MON2: variants seen among roughly 807,000 people sequenced by gnomAD.
MON2 encodes the protein protein MON2 homolog.
In MON2, 84 loss-of-function variants were observed where a neutral mutation model predicts 208.6. The ratio of observed to expected loss-of-function variants is 0.40; its 90% CI spans 0.34 to 0.48. MON2 has a LOEUF of 0.48. Among genes scored for constraint, MON2 ranks in the 20% least tolerant of loss-of-function variants. The pLI is 0.59. For synonymous variants in MON2, 660 were observed against 694.0 expected, an observed-to-expected ratio of 0.95 and a Z score of 0.77; for missense variants, 1,611 against 2,015.4, an observed-to-expected ratio of 0.80 and a Z score of 3.84.
chr12:62,587,579 A>T (rs957795931), intron 33 of MON2, among the ~76,000 whole-genome samples: 5 of 140,048 alleles, frequency 3.6e-5, no homozygotes, highest in Admixed American at 2.2e-4. Context: ...TTTCTACTTT[A>T]AAAAAAAAAA....
intron 25 of MON2, among the ~76,000 whole-genome samples, chr12:62,557,093 A>G (rs1440351667): frequency 1.3e-5 from 2 of 152,296 alleles, no homozygotes; most frequent in South Asian, 2.1e-4. Flanking sequence ...GTCTCGAAAA[A>G]AAAAAAAGGA....
chr12:62,534,543 A>ATATATATATATATATATATATATTT (rs2072850493), intron 12 of MON2, among the ~76,000 whole-genome samples: 12 of 21,854 alleles, frequency 5.5e-4, no homozygotes, highest in South Asian at 1.1e-3. Context: ...AAAAAAAAAA[A>ATATATATATATATATATATATATTT]TATATATATA....
chr12:62,540,613 C>A (rs561589813), intron 19 of MON2, among the ~76,000 whole-genome samples: 1 of 152,026 alleles, frequency 6.6e-6, no homozygotes, highest in East Asian at 1.9e-4. Flanking sequence ...GCAACAGATA[C>A]GATTTTTAAG....
At chr12:62,585,242 A>G in intron 32 of MON2, 52 bp from the exon 33 acceptor site, 1 of 1,397,622 alleles carries the variant, frequency 7.2e-7, no homozygotes, top group Non-Finnish European at 1.0e-6. Context: ...TGTTATCATT[A>G]AAGCTCATTG....
At chr12:62,563,060 G>A (rs1231487666) in intron 26 of MON2, among the ~76,000 whole-genome samples, 1 of 152,112 alleles carries the variant, frequency 6.6e-6, no homozygotes, top group Non-Finnish European at 1.5e-5. Context: ...TAGTCAGATG[G>A]CTGGATACCA....
chr12:62,493,371 T>A (rs2070288766), intron 2 of MON2, among the ~76,000 whole-genome samples: 1 of 152,190 alleles, frequency 6.6e-6, no homozygotes, highest in South Asian at 2.1e-4. Flanking sequence ...AAAGTGCTGT[T>A]TCAGTAATAA....
At chr12:62,497,607 G>C (rs1440354834) in intron 4 of MON2, among the ~76,000 whole-genome samples, 1 of 152,026 alleles carries the variant, frequency 6.6e-6, no homozygotes, top group African/African-American at 2.4e-5. Flanking sequence ...GAAACTGGCG[G>C]TTTCTTTCTT....
At chr12:62,529,056 G>T (rs1486550366) in intron 11 of MON2, among the ~76,000 whole-genome samples, 1 of 152,046 alleles carries the variant, frequency 6.6e-6, no homozygotes, top group Non-Finnish European at 1.5e-5. Context: ...CCTTCTTTGT[G>T]TTCATAAGTT....
chr12:62,585,349 A>G lies in MON2; in HGVS notation c.4755A>G (p.Thr1585=), dbSNP rs763822187. ...AATTTTCTAAAATGTGTTTTGAAACATTACTCCAGTTTTCCTTCAGTAATA... is the reference window on the plus strand; with the variant it reads ...AATTTTCTAAAATGTGTTTTGAAACGTTACTCCAGTTTTCCTTCAGTAATA... The part of the protein sequence containing the change: ...REEFSKMCFE[T]LLQFSFSNKV... The change falls in exon 33 of 35, where the codon ACA becomes ACG. Residue 1585 remains threonine, a synonymous_variant. Transcript: ENST00000393630. The G allele has an allele frequency of 5.6e-6, 9 of 1,613,746 alleles. No individual in the cohort carries two copies. In the Admixed American group the frequency reaches 8.3e-5, roughly 15 times the overall value.
In MON2 at chr12:62,524,545, C is replaced by G; in HGVS notation, c.1015C>G (p.Leu339Val). 2 of 1,611,960 alleles carry G rather than the reference C, an allele frequency of 1.2e-6. No individual in the cohort carries two copies. The highest frequency in any genetic ancestry group is 1.7e-6 in the Non-Finnish European group (2 of 1,178,226). The change falls in exon 9 of 35, where the codon CTG becomes GTG. Residue 339 changes from leucine to valine, a missense_variant. Transcript: ENST00000393630. ...VTECEIFLSL[L>V]VKFLDADKPQ... ...TGAATGTGAGATATTTCTGTCACTTCTGGTGAAATTTCTGGATGCAGATAA... is the reference window on the plus strand; with the variant it reads ...TGAATGTGAGATATTTCTGTCACTTGTGGTGAAATTTCTGGATGCAGATAA...
chr12:62,556,721 A>G (rs2073982981), intron 25 of MON2, among the ~76,000 whole-genome samples: 2 of 152,188 alleles, frequency 1.3e-5, no homozygotes, highest in Non-Finnish European at 2.9e-5. Flanking sequence ...GAGTTTGATT[A>G]TCAAAGAGAT....
At chr12:62,529,920 A>G (rs992498659) in intron 11 of MON2, among the ~76,000 whole-genome samples, 1 of 152,188 alleles carries the variant, frequency 6.6e-6, no homozygotes, top group Non-Finnish European at 1.5e-5. Flanking sequence ...ATACATTTAT[A>G]TAATGTGTAG....
chr12:62,536,834 G>T (rs1382729004), intron 14 of MON2, among the ~76,000 whole-genome samples: 1 of 151,740 alleles, frequency 6.6e-6, no homozygotes, highest in African/African-American at 2.4e-5. Context: ...GACTACAGAA[G>T]TGCATCGACA....
chr12:62,546,849 T>C, intron 21 of MON2, 48 bp from the exon 22 acceptor site: 1 of 1,420,270 alleles, frequency 7.0e-7, no homozygotes, highest in Non-Finnish European at 9.6e-7. Context: ...AAAGCCTTCT[T>C]GTCTTTTTGG....
chr12:62,559,389 G>C (rs1479333164), intron 25 of MON2, among the ~76,000 whole-genome samples: 3 of 152,260 alleles, frequency 2.0e-5, no homozygotes, highest in Non-Finnish European at 4.4e-5. Context: ...GGACATGGTG[G>C]CTCATGGCTG....
chr12:62,557,342 A>T (rs978786097), intron 25 of MON2, among the ~76,000 whole-genome samples: 1 of 152,196 alleles, frequency 6.6e-6, no homozygotes, highest in East Asian at 1.9e-4. Context: ...GCAATTTTGG[A>T]GACATTTTTA....
rs537438532 is a variant in MON2, at chr12:62,564,916, A to ATGGC, written c.4033-318_4033-315dup. On this transcript the variant is annotated intron_variant, in intron 26 of 34. Transcript: ENST00000393630. ...TCAGTCACACATTCTTAATGGCCTAATGGCTGTATTACTGAACAAATGATC... is the reference window on the plus strand; with the variant it reads ...TCAGTCACACATTCTTAATGGCCTAATGGCTGGCTGTATTACTGAACAAATGATC... The ATGGC allele has an allele frequency of 1.5e-3, 310 of 200,074 alleles. 4 individuals are homozygous for ATGGC. Among genetic ancestry groups the ATGGC allele is most frequent in the South Asian group, 0.015 (144 of 9,848 alleles). 12.4% of individuals were successfully genotyped at this position (200,074 alleles called of 1,614,324 possible).
chr12:62,489,393 T>G (rs1025807236), intron 2 of MON2, among the ~76,000 whole-genome samples: 4 of 152,118 alleles, frequency 2.6e-5, no homozygotes, highest in African/African-American at 9.6e-5. Context: ...TTCTTCGAAC[T>G]TTTGTGTTTT....
intron 22 of MON2, among the ~76,000 whole-genome samples, chr12:62,547,568 C>T (rs2073544472): frequency 6.6e-6 from 1 of 152,092 alleles, no homozygotes; most frequent in African/African-American, 2.4e-5. Context: ...GAGTGTATTT[C>T]AAATACTATA....
Sources: gnomAD v4.1 joint callset for allele counts (sites outside exome capture counted in the v4.1 genomes callset) on GRCh38, gnomAD v4.1.1 for gene constraint, MANE v1.5 for transcripts, NCBI Gene and HGNC (gene_info 2026-07-23, HGNC 2026-07-21) for gene names.